Variants in NPAT observed in about 807,000 individuals in gnomAD.
NPAT encodes nuclear protein, coactivator of histone transcription, also known as protein NPAT.
In NPAT, 52 loss-of-function variants were observed where a neutral mutation model predicts 130.7. The ratio of observed to expected loss-of-function variants is 0.40; its 90% CI spans 0.32 to 0.50. The LOEUF is 0.50. NPAT is among the 20% of genes least tolerant of loss of function. The pLI is 0.68. For synonymous variants in NPAT, 580 were observed against 584.8 expected, an observed-to-expected ratio of 0.99 and a Z score of 0.12; for missense variants, 1,687 against 1,662.6, an observed-to-expected ratio of 1.01 and a Z score of -0.26.
intron 10 of NPAT, among the ~76,000 whole-genome samples, chr11:108,179,595 C>T (rs1194748788): frequency 6.6e-6 from 1 of 152,098 alleles, no homozygotes; most frequent in African/African-American, 2.4e-5. Flanking sequence ...TGAGTTAGAC[C>T]TAAAAGTATA....
intron 1 of NPAT, among the ~76,000 whole-genome samples, chr11:108,199,432 G>T (rs2078254238): frequency 6.6e-6 from 1 of 152,204 alleles, no homozygotes; most frequent in African/African-American, 2.4e-5. Context: ...CGCGCCACAG[G>T]CCACAGAGAT....
intron 15 of NPAT, among the ~76,000 whole-genome samples, chr11:108,166,140 T>C (rs1469750348): frequency 6.8e-6 from 1 of 147,040 alleles, no homozygotes; most frequent in Non-Finnish European, 1.5e-5. Flanking sequence ...ACGCCTGTAA[T>C]CCCAGCACTT....
Position 108,162,016 on chromosome 11 carries a change from TAAAAC to T in NPAT, c.3072-7_3072-3del, listed in dbSNP as rs768405208. ...ATACTTTTGTCAGAAACTTCAGTTC[TAAAAC>T]AAAACAAAACAAAACTATTTCTAGC... On this transcript the variant is annotated splice_polypyrimidine_tract_variant and splice_region_variant and intron_variant, in intron 16 of 17. Coordinates refer to ENST00000278612, the MANE Select transcript of NPAT (RefSeq NM_002519.3). 6.2e-7 allele frequency: 1 copy of T among 1,610,856 alleles called. No homozygotes were observed. Among genetic ancestry groups the T allele is most frequent in the South Asian group, 1.1e-5 (1 of 90,258 alleles).
chr11:108,204,553 C>T (rs9667715), intron 1 of NPAT, among the ~76,000 whole-genome samples: 4 of 33,358 alleles, frequency 1.2e-4, no homozygotes, highest in African/African-American at 2.2e-4. Context: ...TGGAACCTGC[C>T]GAACCTGCCG....
chr11:108,186,095 C>A (rs992538982), intron 8 of NPAT, among the ~76,000 whole-genome samples: 36 of 151,954 alleles, frequency 2.4e-4, no homozygotes, highest in African/African-American at 8.7e-4. Flanking sequence ...TGGCTCACTG[C>A]AGCCTTGACC....
At chr11:108,160,711 C>G (rs1012284666) in intron 17 of NPAT, among the ~76,000 whole-genome samples, 169 bp downstream of exon 17, 9 of 152,146 alleles carry the variant, frequency 5.9e-5, no homozygotes, top group African/African-American at 1.9e-4. Context: ...AATCCTGCAT[C>G]TACTGCTTAT....
chr11:108,162,040 T>C, intron 16 of NPAT, 26 bp from the exon 17 acceptor site: 1 of 1,610,858 alleles, frequency 6.2e-7, no homozygotes, highest in South Asian at 1.1e-5. Context: ...ACAAAACTAT[T>C]TCTAGCAGCA....
chr11:108,190,541 T>C, intron 4 of NPAT, 41 bp from the exon 5 acceptor site: 1 of 1,566,508 alleles, frequency 6.4e-7, no homozygotes. Context: ...AAAAAATGTT[T>C]GTTGCTGACA....
intron 12 of NPAT, among the ~76,000 whole-genome samples, chr11:108,175,369 C>T (rs1236319402): frequency 9.9e-5 from 15 of 152,196 alleles, no homozygotes; most frequent in Non-Finnish European, 1.5e-5. Flanking sequence ...GGGGACTACT[C>T]TAATTCTGTT....
chr11:108,194,598 C>T (rs1384921657), intron 2 of NPAT, among the ~76,000 whole-genome samples: 1 of 152,200 alleles, frequency 6.6e-6, no homozygotes, highest in African/African-American at 2.4e-5. Context: ...GTTATGAACA[C>T]ATCAGAGTTT....
chr11:108,160,730 T>C, intron 17 of NPAT, 150 bp downstream of exon 17: 1 of 709,682 alleles, frequency 1.4e-6, no homozygotes, highest in South Asian at 1.8e-5. Flanking sequence ...ATTGGTCCTG[T>C]GATCATGGTT....
At chr11:108,170,201 CAAAA>C in intron 13 of NPAT, 158 bp from the exon 14 acceptor site, 2 of 480,820 alleles carry the variant, frequency 4.2e-6, no homozygotes, top group Middle Eastern at 6.3e-4. Flanking sequence ...CAAAACAAAA[CAAAA>C]AAAACGAAAC....
Position 108,158,983 on chromosome 11 carries a change from C to T in NPAT, c.4243G>A (p.Asp1415Asn). 6.2e-7 allele frequency: 1 copy of T among 1,608,730 alleles called. No individual in the cohort carries two copies. Among genetic ancestry groups the T allele is most frequent in the Non-Finnish European group, 8.5e-7 (1 of 1,177,770 alleles). Residue 1415 changes from aspartate (D) to asparagine (N), a missense_variant, in exon 18 of 18, where the codon GAT (aspartate) becomes AAT (asparagine). This residue lies in a region of NPAT where 1,379 missense variants were observed against 1,346.6 expected (regional missense o/e 1.02). Transcript: ENST00000278612. ...AATGATAACAAAAATTTGTCTACAT[C>T]CATTCCTGCTGGAAATGAACTGGGA... ...KLPSSFPAGM[D>N]VDKFLLSLHY... is the part of the protein sequence containing the mutation.
intron 1 of NPAT, among the ~76,000 whole-genome samples, chr11:108,212,876 G>A (rs2078397409): frequency 6.6e-6 from 1 of 150,408 alleles, no homozygotes; most frequent in Non-Finnish European, 1.5e-5. Context: ...AACCAGGGAG[G>A]TGGAGGTTGC....
At chr11:108,205,480 T>A (rs1413567614) in intron 1 of NPAT, among the ~76,000 whole-genome samples, 1 of 152,060 alleles carries the variant, frequency 6.6e-6, no homozygotes. Flanking sequence ...GTTGCCTAGA[T>A]AGGTCTTGAA....
In NPAT at chr11:108,160,979, C is replaced by T; in HGVS notation, c.4107G>A (p.Lys1369=). 1.2e-6 allele frequency: 2 copies of T among 1,614,118 alleles called. No individual in the cohort carries two copies. The highest frequency in any genetic ancestry group is 1.7e-6 in the Non-Finnish European group (2 of 1,180,018). The change falls in exon 17 of 18, where the codon AAG becomes AAA. Residue 1369 remains lysine (K), a synonymous_variant. Coordinates refer to ENST00000278612, the MANE Select transcript of NPAT (RefSeq NM_002519.3). ...FRASSRSTTK[K]RKIEELDERE... Reference sequence around the variant, plus strand: ...GTTCATCTAATTCCTCAATTTTCCGCTTTTTTGTGGTGCTCCTTGAAGATG... The same window carrying T: ...GTTCATCTAATTCCTCAATTTTCCGTTTTTTTGTGGTGCTCCTTGAAGATG...
rs1469392017 is a variant in NPAT at position 108,176,999 on chromosome 11, T to C, written c.998A>G (p.Asp333Gly). The change falls in exon 11 of 18, where the codon GAC becomes GGC. Residue 333 changes from aspartate to glycine, a missense_variant. Physicochemically the swap from Asp to Gly is moderately conservative, Grantham distance 94. Around this residue, in one of 3 missense-constraint regions of NPAT, gnomAD observed 1,379 missense variants for 1,346.6 expected, o/e 1.02. Coordinates refer to ENST00000278612, the MANE Select transcript of NPAT (RefSeq NM_002519.3). ...GAAATAAATAGTCTCCTTACCATAGTCAAAGAGATCAAAGAGTGCCTGAAA... is the reference window on the plus strand; with the variant it reads ...GAAATAAATAGTCTCCTTACCATAGCCAAAGAGATCAAAGAGTGCCTGAAA... ...PAFQALFDLFDYGKTKNNKNI... is the reference protein window; with the variant it reads ...PAFQALFDLFGYGKTKNNKNI... The C allele has an allele frequency of 6.3e-7, 1 of 1,597,678 alleles. No individual in the cohort carries two copies. Among genetic ancestry groups the C allele is most frequent in the Non-Finnish European group, 8.6e-7 (1 of 1,165,368 alleles).
intron 7 of NPAT, 24 bp downstream of exon 7, chr11:108,188,073 CT>C: frequency 6.8e-7 from 1 of 1,460,630 alleles, no homozygotes. Context: ...ATACGGGTAA[CT>C]TGTCTCTTTT....
rs1330244973 is a variant in NPAT, at chr11:108,158,362, C to G, written c.*580G>C. The G allele has an allele frequency of 3.7e-5, 5 of 135,520 alleles. No individual in the cohort carries two copies. Among genetic ancestry groups the G allele is most frequent in the Admixed American group, 2.5e-4 (3 of 12,128 alleles). The allele number at this position is 135,520 out of a possible 1,614,324, so 8.4% of individuals were successfully genotyped here. Reference sequence around the variant, plus strand: ...AATTCCAGAAATATAATACTTACAGCAATTATAAGAAAGGGGTAGTATTCA... The same window carrying G: ...AATTCCAGAAATATAATACTTACAGGAATTATAAGAAAGGGGTAGTATTCA... On this transcript the variant is annotated 3_prime_UTR_variant, in exon 18 of 18. Coordinates refer to ENST00000278612, the MANE Select transcript of NPAT (RefSeq NM_002519.3).
Sources: allele counts gnomAD v4.1 joint callset (sites outside exome capture counted in the v4.1 genomes callset), GRCh38; gene constraint gnomAD v4.1.1; regional missense constraint gnomAD v4.1.1; transcripts MANE v1.5; gene names NCBI Gene and HGNC (gene_info 2026-07-23, HGNC 2026-07-21).